Variants in LRRC69 observed in about 807,000 individuals in gnomAD.
LRRC69 encodes leucine-rich repeat-containing protein 69.
Under a neutral mutation model 37.8 loss-of-function variants are expected in LRRC69, and 42 were observed. That is an observed-to-expected ratio of 1.11 (90% CI 0.87 to 1.44). The LOEUF (loss-of-function observed/expected upper bound fraction) is 1.44. LRRC69 is among the 40% of genes most tolerant of loss of function. LRRC69 has a pLI of 0.00. For synonymous variants in LRRC69, 141 were observed against 143.1 expected (o/e 0.99, Z 0.11); for missense variants, 357 against 401.9 (o/e 0.89, Z 0.96).
At chr8:91,202,317 T>C (rs574018237) in intron 7 of LRRC69, among the ~76,000 whole-genome samples, 1 of 152,158 alleles carries the variant, frequency 6.6e-6, no homozygotes, top group Non-Finnish European at 1.5e-5. Flanking sequence ...TCAGGTGTCA[T>C]TTAATTTGAT....
rs2130519344 is a variant in LRRC69, at chr8:91,135,645, C to T, written c.580-23C>T. The T allele has an allele frequency of 2.9e-6, 4 of 1,364,974 alleles. No homozygotes were observed. In the South Asian group the frequency reaches 4.3e-5, roughly 15 times the overall value. The allele number at this position is 1,364,974 out of a possible 1,614,324, so 84.6% of individuals were successfully genotyped here. On this transcript the variant is annotated intron_variant, in intron 4 of 7. Transcript: ENST00000448384. ...TTTAAATATTAGATTTAAAAAATCT[C>T]TCTCTTCTGTTTTCTGACACAGGAA... is the stretch of plus-strand genomic sequence containing the variant.
intron 5 of LRRC69, among the ~76,000 whole-genome samples, chr8:91,172,040 T>C (rs1157150320): frequency 6.6e-6 from 1 of 152,010 alleles, no homozygotes; most frequent in Non-Finnish European, 1.5e-5. Flanking sequence ...TCATACATGC[T>C]TTGTAATGTA....
At chr8:91,151,519 A>G (rs993999559) in intron 5 of LRRC69, among the ~76,000 whole-genome samples, 2 of 149,284 alleles carry the variant, frequency 1.3e-5, no homozygotes, top group African/African-American at 4.9e-5. Flanking sequence ...TGTATGTACC[A>G]CATTTTTTTA....
At chr8:91,197,012 G>T (rs1586280797) in intron 6 of LRRC69, among the ~76,000 whole-genome samples, 2 of 150,034 alleles carry the variant, frequency 1.3e-5, no homozygotes, top group Admixed American at 1.3e-4. Context: ...ATGTACAGAT[G>T]GGTTTTTGGT....
intron 7 of LRRC69, among the ~76,000 whole-genome samples, chr8:91,211,280 G>A (rs1164183431): frequency 6.6e-6 from 1 of 151,818 alleles, no homozygotes; most frequent in Non-Finnish European, 1.5e-5. Flanking sequence ...TATCTAGTAA[G>A]TATATGATAG....
intron 6 of LRRC69, among the ~76,000 whole-genome samples, chr8:91,196,209 G>T (rs1006663794): frequency 1.6e-4 from 24 of 151,956 alleles, no homozygotes; most frequent in Admixed American, 1.1e-3. Context: ...TCTCCCGAGA[G>T]ATCTGCTGTT....
In LRRC69 at chr8:91,117,447, G is replaced by A. The variant is rs144385530; in HGVS notation, c.184-7046G>A. ...CAATGTTTGGCCGCCATAGGTTTAT[G>A]AGAAGTGGGAGAAGCAGATCTAGTT... On this transcript the variant is annotated intron_variant, in intron 1 of 7. Coordinates refer to ENST00000448384, the Ensembl canonical transcript of LRRC69. Among the ~76,000 whole-genome samples, 171 of 151,922 alleles carry A rather than the reference G, an allele frequency of 1.1e-3. 1 individual carries two copies. Among genetic ancestry groups the A allele is most frequent in the African/African-American group, 4.1e-3 (169 of 41,532 alleles).
chr8:91,192,177 A>T (rs1355253610), intron 6 of LRRC69, among the ~76,000 whole-genome samples: 1 of 151,904 alleles, frequency 6.6e-6, no homozygotes, highest in African/African-American at 2.4e-5. Context: ...ACATGAACTC[A>T]TCCTTTTTTA....
intron 7 of LRRC69, among the ~76,000 whole-genome samples, chr8:91,211,766 A>G (rs1208785447): frequency 6.6e-6 from 1 of 151,830 alleles, no homozygotes; most frequent in African/African-American, 2.4e-5. Context: ...GATAATGCCA[A>G]AGTCTAGTTG....
At chr8:91,209,430 TATGTCTCAATAAATA>T (rs1241747043) in intron 7 of LRRC69, 1 of 128,422 alleles carries the variant, frequency 7.8e-6, no homozygotes, top group Non-Finnish European at 1.7e-5. Context: ...AGAGTGAAAC[TATGTCTCAATAAATA>T]AATAAATAAA....
At chr8:91,130,051 C>T (rs1418576031) in intron 3 of LRRC69, among the ~76,000 whole-genome samples, 2 of 151,936 alleles carry the variant, frequency 1.3e-5, no homozygotes, top group East Asian at 3.9e-4. Context: ...TTTTCTTCAG[C>T]CCAGAAATTT....
intron 5 of LRRC69, among the ~76,000 whole-genome samples, chr8:91,160,301 T>G (rs763078533): frequency 7.0e-6 from 1 of 142,626 alleles, no homozygotes; most frequent in South Asian, 2.1e-4. Flanking sequence ...TAGTTTTTTG[T>G]TTTTTTTTTT....
intron 1 of LRRC69, among the ~76,000 whole-genome samples, chr8:91,117,418 G>A (rs1406350412): frequency 6.6e-6 from 1 of 151,932 alleles, no homozygotes; most frequent in African/African-American, 2.4e-5. Flanking sequence ...GTTCTAGGTA[G>A]CTCCAATGTT....
chr8:91,183,888 T>G (rs1809363562), intron 5 of LRRC69, among the ~76,000 whole-genome samples: 1 of 152,138 alleles, frequency 6.6e-6, no homozygotes, highest in African/African-American at 2.4e-5. Flanking sequence ...AAAGGTTTTG[T>G]AAGATATGTG....
At chr8:91,112,159 G>C (rs149889155) in intron 1 of LRRC69, among the ~76,000 whole-genome samples, 5 of 152,114 alleles carry the variant, frequency 3.3e-5, no homozygotes, top group African/African-American at 1.2e-4. Flanking sequence ...CAGTCCTTCT[G>C]TGGCCATTTT....
At chr8:91,112,669 T>C (rs1813428462) in intron 1 of LRRC69, among the ~76,000 whole-genome samples, 1 of 151,962 alleles carries the variant, frequency 6.6e-6, no homozygotes, top group South Asian at 2.1e-4. Context: ...TTCTGTAATA[T>C]CTGGTACAAG....
intron 5 of LRRC69, among the ~76,000 whole-genome samples, chr8:91,166,095 G>A (rs766290265): frequency 1.5e-4 from 23 of 151,648 alleles, no homozygotes; most frequent in Non-Finnish European, 2.2e-4. Flanking sequence ...GTGTGACTTC[G>A]GGAAAATTTT....
Position 91,183,231 on chromosome 8 carries a change from TGAAAG to T in LRRC69, c.652-6288_652-6284del, listed in dbSNP as rs1809352257. Among the ~76,000 whole-genome samples, 2 of 152,184 alleles carry T rather than the reference TGAAAG, an allele frequency of 1.3e-5. 1 individual carries two copies. Among genetic ancestry groups the T allele is most frequent in the South Asian group, 4.1e-4 (2 of 4,830 alleles). ...GGTGGTGACATAATCAGATTTATTT[TGAAAG>T]GATCTTTCCATCTGAAGAATGACAG... On this transcript the variant is annotated intron_variant, in intron 5 of 7. Transcript: ENST00000448384.
intron 5 of LRRC69, among the ~76,000 whole-genome samples, chr8:91,165,911 T>C (rs1270953838): frequency 6.6e-6 from 1 of 151,762 alleles, no homozygotes; most frequent in African/African-American, 2.4e-5. Flanking sequence ...TCTTTACAAA[T>C]TAGCTTTCCC....
Sources: gnomAD v4.1 joint callset for allele counts (sites outside exome capture counted in the v4.1 genomes callset) on GRCh38, gnomAD v4.1.1 for gene constraint, MANE v1.5 for transcripts, NCBI Gene and HGNC (gene_info 2026-07-23, HGNC 2026-07-21) for gene names.